The following ANO4 variants were observed in gnomAD, a reference collection of about 807,000 sequenced individuals.
The protein encoded by ANO4 is anoctamin 4.
In ANO4, 69 loss-of-function variants were observed where a neutral mutation model predicts 141.9. The observed-to-expected ratio is 0.49, with a 90% CI of 0.40 to 0.59. The LOEUF is 0.59. ANO4 is among the 20% of genes least tolerant of loss of function. ANO4 has a pLI of 0.00. For synonymous variants in ANO4, 350 were observed against 394.3 expected (o/e 0.89, Z 1.33); for missense variants, 894 against 1,162.2 (o/e 0.77, Z 3.36).
intron 17 of ANO4, among the ~76,000 whole-genome samples, chr12:101,087,354 C>CA (rs763741671): frequency 0.16 from 20,186 of 129,042 alleles, 1,418 homozygotes; most frequent in East Asian, 0.23. Flanking sequence ...CTTGTCTCTA[C>CA]AAAAAAAAAA....
At chr12:100,912,987 A>G (rs1179035695) in intron 2 of ANO4, among the ~76,000 whole-genome samples, 1 of 152,114 alleles carries the variant, frequency 6.6e-6, no homozygotes, top group Non-Finnish European at 1.5e-5. Context: ...AGTTTAGTCA[A>G]TAGGTGGGGG....
chr12:101,093,675 C>T (rs56179062), intron 17 of ANO4, among the ~76,000 whole-genome samples: 1 of 152,028 alleles, frequency 6.6e-6, no homozygotes, highest in African/African-American at 2.4e-5. Flanking sequence ...GTACCCCACC[C>T]TCAGAACCAT....
At chr12:101,079,333 C>G (rs760523229) in intron 15 of ANO4, 58 bp downstream of exon 15, 66 of 1,283,760 alleles carry the variant, frequency 5.1e-5, no homozygotes, top group Non-Finnish European at 6.5e-5. Flanking sequence ...ACCACACGAC[C>G]CCCCCCCAAA....
rs536770439 is a variant in ANO4 at position 101,120,540 on chromosome 12, C to T, written c.2591C>T (p.Pro864Leu). 3.2e-5 allele frequency: 52 copies of T among 1,613,968 alleles called. No homozygotes were observed. The highest frequency in any genetic ancestry group is 4.5e-5 in the East Asian group (2 of 44,874). Residue 864 changes from proline to leucine, a missense_variant, in exon 26 of 28, where the codon CCG becomes CTG. Pro to Leu is a moderately conservative substitution (Grantham distance 98). Transcript: ENST00000392977. ...KYCRYRDYRD[P>L]PHSLVPYGYT... ...TATAGATACCGGGACTACCGTGACC[C>T]GCCTCATTCACTGGTGCCCTATGGC...
chr12:100,882,222 G>A (rs189285727), intron 1 of ANO4, among the ~76,000 whole-genome samples: 8 of 152,140 alleles, frequency 5.3e-5, no homozygotes, highest in African/African-American at 1.4e-4. Flanking sequence ...ATCAAGTTAC[G>A]TACTTGTCCC....
intron 1 of ANO4, among the ~76,000 whole-genome samples, chr12:100,870,458 A>AT (rs1170648068): frequency 6.6e-6 from 1 of 151,876 alleles, no homozygotes; most frequent in Non-Finnish European, 1.5e-5. Flanking sequence ...AGTTTTCATT[A>AT]TTTTTTTTTA....
Position 100,854,626 on chromosome 12 carries a change from G to A in ANO4, c.-140-47020G>A, listed in dbSNP as rs191329579. 3.2e-3 allele frequency among the ~76,000 whole-genome samples: 491 copies of A among 152,218 alleles called. 3 individuals are homozygous for A. Among genetic ancestry groups the A allele is most frequent in the African/African-American group, 0.012 (479 of 41,542 alleles). On this transcript the variant is annotated intron_variant, in intron 1 of 27. Coordinates refer to ENST00000392977, the MANE Select transcript of ANO4 (RefSeq NM_001286615.2). ...CTTATTACCTCCCTCTTTAGTTGGTGTCTTTTTTGTTCCTTTTCAAAGCAA... is the reference window on the plus strand; with the variant it reads ...CTTATTACCTCCCTCTTTAGTTGGTATCTTTTTTGTTCCTTTTCAAAGCAA...
intron 1 of ANO4, among the ~76,000 whole-genome samples, chr12:100,812,543 G>A (rs1314429475): frequency 6.7e-6 from 1 of 149,232 alleles, no homozygotes; most frequent in East Asian, 1.9e-4. Flanking sequence ...AAGTAGGTCA[G>A]AAGTAAAGAA....
chr12:101,099,795 C>T (rs983655472), intron 22 of ANO4, 75 bp downstream of exon 22: 12 of 1,268,752 alleles, frequency 9.5e-6, no homozygotes, highest in Admixed American at 5.7e-5. Flanking sequence ...AACATATACC[C>T]GTTATCATCA....
In ANO4 at chr12:100,984,179, C is replaced by T. The variant is rs149608940; in HGVS notation, c.603-3360C>T. Reference sequence around the variant, plus strand: ...TGGTGCGATCTCGGCTCACTGCAACCTCTACCTCCCAGGTTCAAGTGATTT... The same window carrying T: ...TGGTGCGATCTCGGCTCACTGCAACTTCTACCTCCCAGGTTCAAGTGATTT... On this transcript the variant is annotated intron_variant, in intron 7 of 27. Transcript: ENST00000392977. Among the ~76,000 whole-genome samples, 11 of 152,228 alleles carry T rather than the reference C, an allele frequency of 7.2e-5. No individual in the cohort carries two copies. In the East Asian group the frequency reaches 2.1e-3, roughly 29 times the overall value.
chr12:100,818,548 G>C (rs562501965), intron 1 of ANO4, among the ~76,000 whole-genome samples: 159 of 151,972 alleles, frequency 1.0e-3, no homozygotes, highest in Admixed American at 2.2e-3. Flanking sequence ...TTATAAACTA[G>C]ATAAATAATT....
At chr12:100,937,761 T>G (rs150101660) in intron 3 of ANO4, among the ~76,000 whole-genome samples, 1 of 152,298 alleles carries the variant, frequency 6.6e-6, no homozygotes, top group Non-Finnish European at 1.5e-5. Flanking sequence ...GGGGAGAATC[T>G]GCTTTTTTGT....
intron 1 of ANO4, among the ~76,000 whole-genome samples, chr12:100,821,157 T>G (rs1453443518): frequency 6.6e-6 from 1 of 152,072 alleles, no homozygotes; most frequent in African/African-American, 2.4e-5. Flanking sequence ...AGAAATGGCT[T>G]ACACAGTGTA....
chr12:100,800,664 G>C (rs990540706), intron 1 of ANO4, among the ~76,000 whole-genome samples: 1 of 152,178 alleles, frequency 6.6e-6, no homozygotes, highest in South Asian at 2.1e-4. Flanking sequence ...ATGACAATTC[G>C]TGTCTTTGAT....
chr12:101,075,947 C>T (rs190202712), intron 14 of ANO4, among the ~76,000 whole-genome samples: 7 of 152,070 alleles, frequency 4.6e-5, no homozygotes, highest in Admixed American at 2.0e-4. Context: ...GGTTTGACTA[C>T]GTTTCATAGG....
At chr12:101,030,936 G>A (rs1198120459) in intron 9 of ANO4, among the ~76,000 whole-genome samples, 3 of 152,164 alleles carry the variant, frequency 2.0e-5, no homozygotes, top group Non-Finnish European at 4.4e-5. Flanking sequence ...AATTGAGGCA[G>A]TAATTAGTAG....
intron 3 of ANO4, among the ~76,000 whole-genome samples, chr12:100,781,758 T>C (rs993901668): frequency 6.6e-6 from 1 of 152,246 alleles, no homozygotes; most frequent in Non-Finnish European, 1.5e-5. Flanking sequence ...GATGCATGTT[T>C]TGAAGACTAA....
chr12:100,997,920 G>A (rs1315860080), intron 8 of ANO4, among the ~76,000 whole-genome samples: 3 of 151,250 alleles, frequency 2.0e-5, no homozygotes, highest in Non-Finnish European at 4.4e-5. Flanking sequence ...CATCAGCATG[G>A]TTCTGAAGAC....
intron 9 of ANO4, among the ~76,000 whole-genome samples, chr12:101,031,380 CA>C (rs1302428131): frequency 2.0e-5 from 3 of 152,174 alleles, no homozygotes; most frequent in Non-Finnish European, 4.4e-5. Context: ...CAATAAAATT[CA>C]ACAGCCCTTC....
Sources: allele counts gnomAD v4.1 joint callset (sites outside exome capture counted in the v4.1 genomes callset), GRCh38; gene constraint gnomAD v4.1.1; transcripts MANE v1.5; gene names NCBI Gene and HGNC (gene_info 2026-07-23, HGNC 2026-07-21).